The following EXOC5 variants were observed in gnomAD, a reference collection of about 807,000 sequenced individuals.
EXOC5 encodes SEC10-like 1.
In EXOC5, 17 loss-of-function variants were observed where a neutral mutation model predicts 90.8. The ratio of observed to expected loss-of-function variants is 0.19; its 90% CI spans 0.13 to 0.28. EXOC5 has a LOEUF of 0.28. EXOC5 is among the 10% of genes least tolerant of loss of function. The pLI is 1.00. For missense variants in EXOC5, 569 were observed against 830.6 expected, an observed-to-expected ratio of 0.69 and a Z score of 3.87; for synonymous variants, 260 against 270.0, an observed-to-expected ratio of 0.96 and a Z score of 0.36.
chr14:57,245,696 T>G (rs538405273), intron 3 of EXOC5, among the ~76,000 whole-genome samples: 1 of 152,220 alleles, frequency 6.6e-6, no homozygotes, highest in Admixed American at 6.5e-5. Flanking sequence ...TGCTAATCCC[T>G]AACACTAAAG....
At chr14:57,264,253 G>A (rs949687473) in intron 1 of EXOC5, among the ~76,000 whole-genome samples, 3 of 152,158 alleles carry the variant, frequency 2.0e-5, no homozygotes, top group African/African-American at 7.2e-5. Context: ...TGACAGTAAC[G>A]GGGTGCTCCT....
chr14:57,237,751 A>G (rs1265676043), intron 5 of EXOC5: 1 of 157,822 alleles, frequency 6.3e-6, no homozygotes, highest in Non-Finnish European at 1.4e-5. Context: ...CTGGCATTTT[A>G]AATACACTTG....
intron 5 of EXOC5, among the ~76,000 whole-genome samples, chr14:57,238,375 T>TATATATATATATACACAC: frequency 1.3e-5 from 1 of 74,898 alleles, no homozygotes; most frequent in Admixed American, 1.9e-4. Flanking sequence ...TATATATATA[T>TATATATATATATACACAC]ACACACACAC....
At chr14:57,225,951 A>C (rs143662718) in intron 12 of EXOC5, among the ~76,000 whole-genome samples, 15 of 152,348 alleles carry the variant, frequency 9.8e-5, no homozygotes, top group African/African-American at 3.6e-4. Flanking sequence ...CCTTTCACTG[A>C]ATATACAATT....
At chr14:57,247,241 T>C (rs1336260593) in intron 2 of EXOC5, among the ~76,000 whole-genome samples, 3 of 152,188 alleles carry the variant, frequency 2.0e-5, no homozygotes, top group Non-Finnish European at 2.9e-5. Context: ...AAGGCAAATG[T>C]ACTATATAAA....
rs1239623225 is a variant in EXOC5 at position 57,238,375 on chromosome 14, T to TATATACACAC, written c.531-1010_531-1009insGTGTGTATAT. 6.5e-4 allele frequency among the ~76,000 whole-genome samples: 49 copies of TATATACACAC among 74,890 alleles called. 1 individual carries two copies. The South Asian group carries it at 7.7e-3, about 12-fold the overall frequency. The allele number at this position is 74,890 out of a possible 152,430, so 49.1% of individuals were successfully genotyped here. ...ATATATATATATATATATATATATA[T>TATATACACAC]ACACACACACACACACACACACACA... On this transcript the variant is annotated intron_variant, in intron 5 of 17. Transcript: ENST00000621441.
At chr14:57,254,237 CCAGGATGGCAAACA>C in intron 1 of EXOC5, among the ~76,000 whole-genome samples, 1 of 152,120 alleles carries the variant, frequency 6.6e-6, no homozygotes, top group East Asian at 1.9e-4. Context: ...GAGTTCGAGA[CCAGGATGGCAAACA>C]CAGCAAAGCC....
intron 1 of EXOC5, among the ~76,000 whole-genome samples, chr14:57,265,595 G>A (rs533991177): frequency 5.5e-4 from 83 of 152,232 alleles, no homozygotes; most frequent in Admixed American, 3.5e-3. Flanking sequence ...CATGGAGGCA[G>A]GCACCTCTAG....
At chr14:57,227,695 C>T (rs1168720164) in intron 12 of EXOC5, among the ~76,000 whole-genome samples, 3 of 152,122 alleles carry the variant, frequency 2.0e-5, no homozygotes, top group Non-Finnish European at 4.4e-5. Context: ...GAGTATTGTA[C>T]TAGTGATTTA....
chr14:57,249,469 TAGC>T (rs143814513), intron 1 of EXOC5, among the ~76,000 whole-genome samples: 1,554 of 152,270 alleles, frequency 0.01, 28 homozygotes, highest in African/African-American at 0.035. Context: ...GACTTATAAA[TAGC>T]AGGTATTTAC....
At chr14:57,237,244 C>T (rs970389855) in intron 6 of EXOC5, 94 bp downstream of exon 6, 1 of 732,178 alleles carries the variant, frequency 1.4e-6, no homozygotes, top group Admixed American at 2.2e-5. Context: ...AGGAAGATGA[C>T]ATTGTTCCTG....
At position 57,206,022 on chromosome 14, in the gene EXOC5, T is replaced by A. The variant is rs1460472581; in HGVS notation, c.*2587A>T. Reference sequence around the variant, plus strand: ...CATCATAATTTACATAAGGTAGGCTTCCTTTATTAAATTCGTATTCTGTAT... The same window carrying A: ...CATCATAATTTACATAAGGTAGGCTACCTTTATTAAATTCGTATTCTGTAT... On this transcript the variant is annotated 3_prime_UTR_variant, in exon 18 of 18. Transcript: ENST00000621441. 1 of 454,422 alleles carries A rather than the reference T, an allele frequency of 2.2e-6. No homozygotes were observed. Among genetic ancestry groups the A allele is most frequent in the Non-Finnish European group, 4.4e-6 (1 of 226,222 alleles). 28.1% of individuals were successfully genotyped at this position (454,422 alleles called of 1,614,324 possible). A position where few individuals can be genotyped will look rare whatever the true frequency, so the allele number is the denominator to read the frequency against.
At chr14:57,209,452 C>A in intron 17 of EXOC5, 115 bp downstream of exon 17, 1 of 592,512 alleles carries the variant, frequency 1.7e-6, no homozygotes, top group Non-Finnish European at 3.0e-6. Flanking sequence ...CTATCTCATA[C>A]AATATCAACA....
rs1884779465 is a variant in EXOC5 at position 57,268,695 on chromosome 14, T to G, written c.-47A>C. On this transcript the variant is annotated 5_prime_UTR_variant, in exon 1 of 18. It removes the in-frame stop codon of an upstream open reading frame in the 5' UTR. Transcript: ENST00000621441. ...CCCCCCACTGGATGCCGTCTCCGCTTCACATGCTGCGCCTCAGAGGCGCGG... is the reference window on the plus strand; with the variant it reads ...CCCCCCACTGGATGCCGTCTCCGCTGCACATGCTGCGCCTCAGAGGCGCGG... 6.4e-7 allele frequency: 1 copy of G among 1,562,684 alleles called. No individual in the cohort carries two copies. Among genetic ancestry groups the G allele is most frequent in the Non-Finnish European group, 8.6e-7 (1 of 1,163,864 alleles).
intron 13 of EXOC5, among the ~76,000 whole-genome samples, chr14:57,221,151 T>C (rs1335618278): frequency 6.6e-6 from 1 of 152,132 alleles, no homozygotes; most frequent in Non-Finnish European, 1.5e-5. Context: ...GAAGATAACA[T>C]CTTAGTTGAG....
chr14:57,265,600 C>T (rs1884648404), intron 1 of EXOC5, among the ~76,000 whole-genome samples: 1 of 152,150 alleles, frequency 6.6e-6, no homozygotes, highest in Non-Finnish European at 1.5e-5. Context: ...AGGCAGGCAC[C>T]TCTAGTCCCA....
At position 57,208,464 on chromosome 14, in the gene EXOC5, C is replaced by T. The variant is rs1882723063; in HGVS notation, c.*145G>A. The stretch of plus-strand genomic sequence containing the variant: ...AATAAAACCTCAAAGGTAAGTATGG[C>T]TGCTGTTTTGTTCCAGTCATTGTTT... On this transcript the variant is annotated 3_prime_UTR_variant, in exon 18 of 18. Coordinates refer to ENST00000621441, the MANE Select transcript of EXOC5 (RefSeq NM_006544.4). The T allele has an allele frequency of 5.6e-6, 3 of 537,470 alleles. No individual in the cohort carries two copies. The Admixed American group carries it at 8.6e-5, about 15-fold the overall frequency. The allele number at this position is 537,470 out of a possible 1,614,324, so 33.3% of individuals were successfully genotyped here. A position where few individuals can be genotyped will look rare whatever the true frequency, so the allele number is the denominator to read the frequency against.
chr14:57,217,615 C>T (rs909106940), intron 15 of EXOC5, among the ~76,000 whole-genome samples: 5 of 152,080 alleles, frequency 3.3e-5, no homozygotes, highest in East Asian at 1.9e-4. Context: ...TCTGCCTCTC[C>T]GTGGGCCTCC....
chr14:57,238,223 TACAC>T (rs61373267), intron 5 of EXOC5, among the ~76,000 whole-genome samples: 7,550 of 124,734 alleles, frequency 0.061, 206 homozygotes, highest in East Asian at 0.12. Flanking sequence ...CACATATATA[TACAC>T]ACACACACAC....
Sources: gnomAD v4.1 joint callset for allele counts (sites outside exome capture counted in the v4.1 genomes callset) on GRCh38, gnomAD v4.1.1 for gene constraint, MANE v1.5 for transcripts, NCBI Gene and HGNC (gene_info 2026-07-23, HGNC 2026-07-21) for gene names.